AGMO: variants seen among roughly 807,000 people sequenced by gnomAD.
The protein encoded by AGMO is glyceryl-ether monooxygenase.
AGMO carries 75 observed loss-of-function variants against 60.2 expected under a neutral mutation model. The observed-to-expected ratio is 1.25, with a 90% CI of 1.03 to 1.51. The LOEUF (loss-of-function observed/expected upper bound fraction) is 1.51, where lower values mean the gene tolerates loss of function less well. Ranked by LOEUF, AGMO falls within the 40% of genes most tolerant of loss-of-function variation. AGMO has a pLI of 0.00. For missense variants in AGMO, 763 were observed against 525.5 expected, an observed-to-expected ratio of 1.45 and a Z score of -4.42; for synonymous variants, 261 against 177.1, an observed-to-expected ratio of 1.47 and a Z score of -3.76.
intron 12 of AGMO, among the ~76,000 whole-genome samples, chr7:15,207,415 A>G (rs1781467131): frequency 6.6e-6 from 1 of 152,178 alleles, no homozygotes; most frequent in Non-Finnish European, 1.5e-5. Context: ...GAGAATGACA[A>G]CTCAATAATG....
At chr7:15,414,290 C>T (rs1474539535) in intron 5 of AGMO, among the ~76,000 whole-genome samples, 2 of 152,150 alleles carry the variant, frequency 1.3e-5, no homozygotes, top group African/African-American at 4.8e-5. Flanking sequence ...TAAGCCAGTG[C>T]ACCCGGCCGT....
chr7:15,394,531 C>A (rs1455761053), intron 5 of AGMO, among the ~76,000 whole-genome samples: 2 of 152,116 alleles, frequency 1.3e-5, no homozygotes, highest in Admixed American at 1.3e-4. Context: ...AACATATCTA[C>A]ATAATAACGT....
chr7:15,357,694 G>A (rs539831688), intron 12 of AGMO, among the ~76,000 whole-genome samples: 1 of 152,282 alleles, frequency 6.6e-6, no homozygotes, highest in Admixed American at 6.5e-5. Context: ...GAGGGTGAGA[G>A]GCTATGCGGA....
rs1369953568 is a variant in AGMO, at chr7:15,544,266, G to T, written c.409+506C>A. ...GATAAAAGATTACACAATGGGTACA[G>T]GGTACAATGCTCGGGTGATAGGTGC... On this transcript the variant is annotated intron_variant, in intron 3 of 12. Coordinates refer to ENST00000342526, the MANE Select transcript of AGMO (RefSeq NM_001004320.2). 1.3e-5 allele frequency among the ~76,000 whole-genome samples: 2 copies of T among 152,026 alleles called. 1 individual carries two copies. Among genetic ancestry groups the T allele is most frequent in the South Asian group, 4.1e-4 (2 of 4,832 alleles).
At chr7:15,522,434 AC>A in intron 3 of AGMO, among the ~76,000 whole-genome samples, 1 of 152,324 alleles carries the variant, frequency 6.6e-6, no homozygotes, top group Middle Eastern at 3.4e-3. Flanking sequence ...GCATCATGCT[AC>A]CTGACTTCAA....
intron 12 of AGMO, among the ~76,000 whole-genome samples, chr7:15,331,330 G>A (rs1781493637): frequency 6.6e-6 from 1 of 152,144 alleles, no homozygotes; most frequent in Non-Finnish European, 1.5e-5. Context: ...CTAAGGTTTA[G>A]GATAATTTGT....
At chr7:15,369,131 G>A (rs914732284) in intron 10 of AGMO, among the ~76,000 whole-genome samples, 1 of 151,898 alleles carries the variant, frequency 6.6e-6, no homozygotes, top group Non-Finnish European at 1.5e-5. Flanking sequence ...AATATATCCA[G>A]AATAAAAGCA....
At chr7:15,461,760 G>T (rs1174374789) in intron 3 of AGMO, among the ~76,000 whole-genome samples, 2 of 152,010 alleles carry the variant, frequency 1.3e-5, no homozygotes, top group Non-Finnish European at 2.9e-5. Flanking sequence ...CAGAGTCTTT[G>T]GGGGGCTGAA....
chr7:15,250,880 C>T (rs1255701688), intron 12 of AGMO, among the ~76,000 whole-genome samples: 1 of 151,476 alleles, frequency 6.6e-6, no homozygotes, highest in African/African-American at 2.4e-5. Context: ...GGGAGGCAGA[C>T]GTTGCAGTGA....
chr7:15,400,735 A>G (rs954479490), intron 5 of AGMO, among the ~76,000 whole-genome samples: 17 of 152,182 alleles, frequency 1.1e-4, no homozygotes, highest in African/African-American at 3.6e-4. Flanking sequence ...AAACAAATAA[A>G]CAAAAGAAAC....
chr7:15,404,586 A>T lies in AGMO; in HGVS notation c.610-10407T>A, dbSNP rs140985583. Among the ~76,000 whole-genome samples the T allele has an allele frequency of 2.1e-4, 32 of 151,994 alleles. No individual in the cohort carries two copies. In the East Asian group the frequency reaches 5.6e-3, roughly 27 times the overall value. On this transcript the variant is annotated intron_variant, in intron 5 of 12. Coordinates refer to ENST00000342526, the MANE Select transcript of AGMO (RefSeq NM_001004320.2). ...TACAGGTTTAGGCATCCAGTGATAA[A>T]TGGAATCATGCTAGTATGAGTAATA...
chr7:15,437,587 T>G (rs1469247813), intron 3 of AGMO, among the ~76,000 whole-genome samples: 5 of 147,276 alleles, frequency 3.4e-5, no homozygotes, highest in Non-Finnish European at 7.4e-5. Flanking sequence ...CAGGCTCGAG[T>G]GCAGTGGTGG....
At chr7:15,466,332 C>T (rs1036820859) in intron 3 of AGMO, among the ~76,000 whole-genome samples, 4 of 152,136 alleles carry the variant, frequency 2.6e-5, no homozygotes, top group African/African-American at 9.7e-5. Context: ...GAATTTTATG[C>T]ATCCTTGCTG....
intron 2 of AGMO, among the ~76,000 whole-genome samples, chr7:15,557,226 T>C (rs1785168460): frequency 1.3e-5 from 2 of 152,148 alleles, no homozygotes; most frequent in South Asian, 4.1e-4. Flanking sequence ...TTCGCTTTGA[T>C]TTCCACTTCT....
intron 3 of AGMO, among the ~76,000 whole-genome samples, chr7:15,444,046 A>G (rs1781635079): frequency 6.6e-6 from 1 of 152,188 alleles, no homozygotes; most frequent in African/African-American, 2.4e-5. Flanking sequence ...ATACTCTACT[A>G]TTTTGTATCC....
chr7:15,347,463 C>G (rs966595276), intron 12 of AGMO, among the ~76,000 whole-genome samples: 4 of 152,162 alleles, frequency 2.6e-5, no homozygotes, highest in African/African-American at 7.2e-5. Flanking sequence ...TTATTTACCT[C>G]TATGTCTGAA....
At chr7:15,488,195 G>A (rs1782971824) in intron 3 of AGMO, among the ~76,000 whole-genome samples, 1 of 152,170 alleles carries the variant, frequency 6.6e-6, no homozygotes, top group Admixed American at 6.5e-5. Flanking sequence ...TGAGCAGAAG[G>A]TAGAAAGCAG....
chr7:15,354,317 T>C (rs867023973), intron 12 of AGMO, among the ~76,000 whole-genome samples: 10 of 81,644 alleles, frequency 1.2e-4, no homozygotes, highest in African/African-American at 4.0e-4. Flanking sequence ...TATACACGCG[T>C]GTATATACGT....
intron 5 of AGMO, among the ~76,000 whole-genome samples, chr7:15,395,041 C>T: frequency 6.6e-6 from 1 of 152,136 alleles, no homozygotes; most frequent in Non-Finnish European, 1.5e-5. Context: ...TGGTATGTTA[C>T]ATGAATAATA....
Sources: gnomAD v4.1 joint callset for allele counts (sites outside exome capture counted in the v4.1 genomes callset) on GRCh38, gnomAD v4.1.1 for gene constraint, MANE v1.5 for transcripts, NCBI Gene and HGNC (gene_info 2026-07-23, HGNC 2026-07-21) for gene names.